Variants in SLC24A2 observed in about 807,000 individuals in gnomAD.
SLC24A2 encodes the protein solute carrier family 24 member 2.
In SLC24A2, 36 loss-of-function variants were observed where a neutral mutation model predicts 62.0. The observed-to-expected ratio is 0.58, with a 90% CI of 0.44 to 0.77. The LOEUF is 0.77. SLC24A2 is among the 30% of genes least tolerant of loss of function. SLC24A2 has a pLI of 0.00. For synonymous variants in SLC24A2, 358 were observed against 294.0 expected (o/e 1.22, Z -2.23); for missense variants, 846 against 817.9 (o/e 1.03, Z -0.42).
At chr9:20,034,678 C>T in the SLC24A2 span, among the ~76,000 whole-genome samples, 1 of 152,010 alleles carries the variant, frequency 6.6e-6, no homozygotes, top group Non-Finnish European at 1.5e-5. Context: ...CCGTGTTAGC[C>T]AGGATGGTCT....
At chr9:19,571,791 A>T (rs1389571950) in intron 7 of SLC24A2, among the ~76,000 whole-genome samples, 1 of 152,204 alleles carries the variant, frequency 6.6e-6, no homozygotes, top group African/African-American at 2.4e-5. Context: ...TCAGGATGAG[A>T]TCCAGAAATC....
intron 2 of SLC24A2, among the ~76,000 whole-genome samples, chr9:19,762,653 G>C (rs766891905): frequency 2.0e-5 from 3 of 152,136 alleles, no homozygotes; most frequent in South Asian, 2.1e-4. Context: ...CCTCTATTCT[G>C]TTCCATTGGT....
At chr9:20,025,069 C>T in the SLC24A2 span, among the ~76,000 whole-genome samples, 1 of 152,178 alleles carries the variant, frequency 6.6e-6, no homozygotes, top group Non-Finnish European at 1.5e-5. Flanking sequence ...ATTCACAATA[C>T]TTCCATAGAT....
rs1046235593 is a variant in SLC24A2, at chr9:19,515,615, C to A, written c.*538G>T. The A allele has an allele frequency of 6.6e-6, 1 of 152,228 alleles. No homozygotes were observed. Among genetic ancestry groups the A allele is most frequent in the East Asian group, 1.9e-4 (1 of 5,202 alleles). 9.4% of individuals were successfully genotyped at this position (152,228 alleles called of 1,614,324 possible). Reference sequence around the variant, plus strand: ...GTAAAGCCCAGACTGCAAGTTGATGCCCCTCTTCAAATAAGTACTATAAAT... The same window carrying A: ...GTAAAGCCCAGACTGCAAGTTGATGACCCTCTTCAAATAAGTACTATAAAT... On this transcript the variant is annotated 3_prime_UTR_variant, in exon 11 of 11. Transcript: ENST00000341998.
chr9:20,215,896 G>A, the SLC24A2 span, among the ~76,000 whole-genome samples: 14 of 152,230 alleles, frequency 9.2e-5, no homozygotes, highest in Admixed American at 3.3e-4. Flanking sequence ...GCATGCAAGC[G>A]TCTCATGCTA....
At chr9:20,098,849 G>A in the SLC24A2 span, among the ~76,000 whole-genome samples, 2 of 152,198 alleles carry the variant, frequency 1.3e-5, no homozygotes, top group African/African-American at 4.8e-5. Flanking sequence ...GGTACAATGA[G>A]TAACTCTGGT....
At chr9:20,089,683 C>T in the SLC24A2 span, among the ~76,000 whole-genome samples, 2 of 150,322 alleles carry the variant, frequency 1.3e-5, no homozygotes, top group South Asian at 2.2e-4. Context: ...TCTGACAGCC[C>T]CCCCGCCACC....
At chr9:19,978,412 CT>C in the SLC24A2 span, among the ~76,000 whole-genome samples, 1,105 of 148,122 alleles carry the variant, frequency 7.5e-3, 5 homozygotes, top group Non-Finnish European at 0.013. Context: ...CCTCGCCCCT[CT>C]TTTTTTTTTA....
the SLC24A2 span, among the ~76,000 whole-genome samples, chr9:19,801,188 C>T: frequency 5.3e-5 from 8 of 152,168 alleles, no homozygotes; most frequent in Non-Finnish European, 1.0e-4. Flanking sequence ...GAATCTTGGG[C>T]CATGCGGTGA....
the SLC24A2 span, among the ~76,000 whole-genome samples, chr9:19,867,209 T>C: frequency 6.6e-6 from 1 of 152,074 alleles, no homozygotes; most frequent in African/African-American, 2.4e-5. Flanking sequence ...TGTGTACCCA[T>C]AAAAATTAAA....
intron 4 of SLC24A2, among the ~76,000 whole-genome samples, chr9:19,603,912 CTAACGT>C (rs751410732): frequency 6.6e-6 from 1 of 152,224 alleles, no homozygotes; most frequent in Non-Finnish European, 1.5e-5. Context: ...GCCCCCATCC[CTAACGT>C]TAAGTCACTT....
At chr9:20,027,691 T>A in the SLC24A2 span, among the ~76,000 whole-genome samples, 22 of 152,088 alleles carry the variant, frequency 1.4e-4, no homozygotes, top group African/African-American at 4.8e-4. Context: ...TCAAGGGATA[T>A]ATGAATTCAA....
chr9:20,233,977 C>T, the SLC24A2 span, among the ~76,000 whole-genome samples: 3,571 of 152,274 alleles, frequency 0.023, 143 homozygotes, highest in African/African-American at 0.08. Context: ...ATTTCTCCTT[C>T]ACTTACGAAG....
At chr9:20,269,332 ATATGGC>A in the SLC24A2 span, among the ~76,000 whole-genome samples, 2 of 152,166 alleles carry the variant, frequency 1.3e-5, no homozygotes, top group African/African-American at 2.4e-5. Context: ...GAAACTGGGG[ATATGGC>A]TATCTCAGGA....
the SLC24A2 span, among the ~76,000 whole-genome samples, chr9:20,057,890 T>C: frequency 6.6e-6 from 1 of 152,204 alleles, no homozygotes; most frequent in Admixed American, 6.5e-5. Flanking sequence ...AGAACCATGA[T>C]ATGAAACTAC....
the SLC24A2 span, among the ~76,000 whole-genome samples, chr9:20,222,821 G>A: frequency 3.3e-5 from 5 of 152,050 alleles, no homozygotes; most frequent in East Asian, 9.7e-4. Flanking sequence ...AATGATAAGG[G>A]AACTTCCTTA....
chr9:19,869,145 C>G, the SLC24A2 span, among the ~76,000 whole-genome samples: 1 of 152,044 alleles, frequency 6.6e-6, no homozygotes, highest in Non-Finnish European at 1.5e-5. Context: ...CCATTCCTGG[C>G]TAATTTTTTA....
At chr9:20,293,206 T>A in the SLC24A2 span, among the ~76,000 whole-genome samples, 1 of 152,240 alleles carries the variant, frequency 6.6e-6, no homozygotes, top group Admixed American at 6.5e-5. Flanking sequence ...GCAAATAATA[T>A]CAAGTTCTGA....
the SLC24A2 span, among the ~76,000 whole-genome samples, chr9:20,164,916 T>C: frequency 1.4e-5 from 2 of 140,572 alleles, no homozygotes; most frequent in Non-Finnish European, 3.0e-5. Context: ...TTCTCACTCA[T>C]AGGTGGGAAT....
Sources: gnomAD v4.1 joint callset for allele counts (sites outside exome capture counted in the v4.1 genomes callset) on GRCh38, gnomAD v4.1.1 for gene constraint, MANE v1.5 for transcripts, NCBI Gene and HGNC (gene_info 2026-07-23, HGNC 2026-07-21) for gene names.